The following CMSS1 variants were observed in gnomAD, a reference collection of about 807,000 sequenced individuals.
The protein encoded by CMSS1 is cms1 ribosomal small subunit homolog.
In CMSS1, 33 loss-of-function variants were observed where a neutral mutation model predicts 43.5. The ratio of observed to expected loss-of-function variants is 0.76; its 90% CI spans 0.57 to 1.01. The LOEUF (loss-of-function observed/expected upper bound fraction) is 1.01. CMSS1 is among the 50% of genes least tolerant of loss of function. CMSS1 has a pLI of 0.00. For synonymous variants in CMSS1, 115 were observed against 117.2 expected (o/e 0.98, Z 0.12); for missense variants, 313 against 326.4 (o/e 0.96, Z 0.32).
At chr3:100,074,269 C>T (rs1258286664) in intron 1 of CMSS1, among the ~76,000 whole-genome samples, 2 of 152,152 alleles carry the variant, frequency 1.3e-5, no homozygotes, top group Non-Finnish European at 2.9e-5. Context: ...TCGCTGCTTT[C>T]CCAGGCCAGC....
intron 1 of CMSS1, among the ~76,000 whole-genome samples, chr3:100,050,381 G>A (rs2065349646): frequency 6.6e-6 from 1 of 152,118 alleles, no homozygotes; most frequent in African/African-American, 2.4e-5. Context: ...TGCTCAGTAT[G>A]AAAATTTTAA....
intron 1 of CMSS1, chr3:99,848,419 G>A: frequency 1.2e-6 from 2 of 1,614,184 alleles, no homozygotes; most frequent in Non-Finnish European, 1.7e-6. Flanking sequence ...ATCCTGCAGT[G>A]GTGCTGAAGG....
chr3:100,013,670 A>T (rs556749561), intron 1 of CMSS1, among the ~76,000 whole-genome samples: 1 of 152,250 alleles, frequency 6.6e-6, no homozygotes, highest in Non-Finnish European at 1.5e-5. Flanking sequence ...CAGTGAAATG[A>T]TATTTTTTCC....
chr3:99,938,963 G>A (rs896872933), intron 1 of CMSS1, among the ~76,000 whole-genome samples: 4 of 152,102 alleles, frequency 2.6e-5, no homozygotes, highest in African/African-American at 9.7e-5. Context: ...TTTAGTAATT[G>A]GCCTCCGTTA....
chr3:99,821,392 T>A (rs1942436158), intron 1 of CMSS1, among the ~76,000 whole-genome samples: 1 of 152,220 alleles, frequency 6.6e-6, no homozygotes, highest in Non-Finnish European at 1.5e-5. Flanking sequence ...TTAAGGGATG[T>A]CTAGTCACTC....
intron 1 of CMSS1, among the ~76,000 whole-genome samples, chr3:99,985,170 C>A (rs944122489): frequency 6.6e-6 from 1 of 151,840 alleles, no homozygotes; most frequent in Non-Finnish European, 1.5e-5. Flanking sequence ...AAAAATCATC[C>A]TAGGGGGTCA....
chr3:99,948,499 A>G (rs1349835707), intron 1 of CMSS1, among the ~76,000 whole-genome samples: 1 of 144,138 alleles, frequency 6.9e-6, no homozygotes, highest in Non-Finnish European at 1.5e-5. Context: ...AGCCATGATT[A>G]TATCATCACT....
chr3:99,928,624 A>AT (rs1707373948), intron 1 of CMSS1, among the ~76,000 whole-genome samples: 1 of 152,198 alleles, frequency 6.6e-6, no homozygotes, highest in South Asian at 2.1e-4. Flanking sequence ...CGATTTCAAC[A>AT]TAAGTTTGGA....
rs1428486118 is a variant in CMSS1, at chr3:99,910,780, TA to T, written c.64+92738del. Among the ~76,000 whole-genome samples, 3 of 83,554 alleles carry T rather than the reference TA, an allele frequency of 3.6e-5. 1 individual carries two copies. The highest frequency in any genetic ancestry group is 9.4e-5 in the African/African-American group (3 of 31,976). 54.8% of individuals were successfully genotyped at this position (83,554 alleles called of 152,430 possible). On this transcript the variant is annotated intron_variant, in intron 1 of 9. Coordinates refer to ENST00000421999, the MANE Select transcript of CMSS1 (RefSeq NM_032359.4). Reference sequence around the variant, plus strand: ...CATGCAAGAAAGTAGATAACTAGAATATTTATGCCCATTTTATAGATGGAAG... The same window carrying T: ...CATGCAAGAAAGTAGATAACTAGAATTTTATGCCCATTTTATAGATGGAAG...
intron 1 of CMSS1, among the ~76,000 whole-genome samples, chr3:100,081,683 A>T (rs1164756394): frequency 7.2e-5 from 11 of 152,196 alleles, no homozygotes; most frequent in African/African-American, 1.2e-4. Flanking sequence ...GGGATTTTTT[A>T]AAATATATCC....
At chr3:100,108,154 C>G (rs905819583) in intron 1 of CMSS1, among the ~76,000 whole-genome samples, 9 of 152,146 alleles carry the variant, frequency 5.9e-5, no homozygotes, top group Non-Finnish European at 2.9e-5. Flanking sequence ...GATGACATTT[C>G]TAGCCCATGG....
At chr3:100,118,772 G>A (rs1325245446) in intron 1 of CMSS1, among the ~76,000 whole-genome samples, 1 of 152,050 alleles carries the variant, frequency 6.6e-6, no homozygotes, top group Non-Finnish European at 1.5e-5. Context: ...ACCAAAAATA[G>A]GTATCTGTAT....
chr3:100,042,172 A>T (rs2065216145), intron 1 of CMSS1, among the ~76,000 whole-genome samples: 1 of 152,226 alleles, frequency 6.6e-6, no homozygotes, highest in South Asian at 2.1e-4. Context: ...AAGGGCAAAA[A>T]TTGTGGCAGT....
intron 1 of CMSS1, among the ~76,000 whole-genome samples, chr3:100,044,536 A>G (rs772881268): frequency 3.3e-5 from 5 of 152,176 alleles, no homozygotes; most frequent in Non-Finnish European, 7.4e-5. Flanking sequence ...GAGACAAAAG[A>G]GGAACTGAAA....
At chr3:99,951,690 C>T (rs1028700307) in intron 1 of CMSS1, among the ~76,000 whole-genome samples, 2 of 152,182 alleles carry the variant, frequency 1.3e-5, no homozygotes, top group Non-Finnish European at 2.9e-5. Flanking sequence ...ATGTCTCTTC[C>T]CTAATGACAT....
intron 1 of CMSS1, among the ~76,000 whole-genome samples, chr3:100,088,676 C>T (rs1011397552): frequency 2.6e-5 from 4 of 152,082 alleles, no homozygotes; most frequent in Admixed American, 2.6e-4. Flanking sequence ...TTTTTCTCCT[C>T]ATCACTCCCT....
chr3:100,065,322 A>G (rs932174187), intron 1 of CMSS1, among the ~76,000 whole-genome samples: 2 of 152,158 alleles, frequency 1.3e-5, no homozygotes, highest in South Asian at 4.1e-4. Flanking sequence ...CTAAATTGCA[A>G]TTCTCAGGCC....
In CMSS1 at chr3:99,930,088, T is replaced by TGA. The variant is rs1707429626; in HGVS notation, c.64+112046_64+112047dup. On this transcript the variant is annotated intron_variant, in intron 1 of 9. Coordinates refer to ENST00000421999, the MANE Select transcript of CMSS1 (RefSeq NM_032359.4). ...TGTCTCTACCAGCAGTCTCAGCAAG[T>TGA]GATTTTTGTGATAGTTGGCAGTGCT... 8 of 1,380,302 alleles carry TGA rather than the reference T, an allele frequency of 5.8e-6. No individual in the cohort carries two copies. The South Asian group carries it at 8.7e-5, about 15-fold the overall frequency. 85.5% of individuals were successfully genotyped at this position (1,380,302 alleles called of 1,614,324 possible). A position where few individuals can be genotyped will look rare whatever the true frequency, so the allele number is the denominator to read the frequency against.
chr3:99,963,826 C>G (rs1708565399), intron 1 of CMSS1, among the ~76,000 whole-genome samples: 1 of 152,070 alleles, frequency 6.6e-6, no homozygotes, highest in Non-Finnish European at 1.5e-5. Flanking sequence ...CCATGTTGGC[C>G]AAGCTGGTCT....
Sources: gnomAD v4.1 joint callset for allele counts (sites outside exome capture counted in the v4.1 genomes callset) on GRCh38, gnomAD v4.1.1 for gene constraint, MANE v1.5 for transcripts, NCBI Gene and HGNC (gene_info 2026-07-23, HGNC 2026-07-21) for gene names.